C1orf146: variants seen among roughly 807,000 people sequenced by gnomAD.
C1orf146 encodes the protein protein SPO16 homolog.
Under a neutral mutation model 23.0 loss-of-function variants are expected in C1orf146, and 22 were observed. The ratio of observed to expected loss-of-function variants is 0.96; its 90% CI spans 0.68 to 1.36. The LOEUF is 1.36. Ranked by LOEUF, C1orf146 falls within the 40% of genes most tolerant of loss-of-function variation. C1orf146 has a pLI of 0.00. For missense variants in C1orf146, 199 were observed against 206.8 expected, an observed-to-expected ratio of 0.96 and a Z score of 0.23; for synonymous variants, 59 against 65.3, an observed-to-expected ratio of 0.90 and a Z score of 0.47.
At chr1:92,235,055 A>G (rs1279639186) in intron 2 of C1orf146, among the ~76,000 whole-genome samples, 2 of 152,132 alleles carry the variant, frequency 1.3e-5, no homozygotes, top group Non-Finnish European at 2.9e-5. Flanking sequence ...CCTTTCAAAA[A>G]ACCAGCTCCT....
chr1:92,237,969 G>A (rs1000863546), intron 2 of C1orf146, among the ~76,000 whole-genome samples: 9 of 152,092 alleles, frequency 5.9e-5, no homozygotes, highest in African/African-American at 1.2e-4. Flanking sequence ...TTGCTCTGTC[G>A]CCGAGGCTGG....
Position 92,231,418 on chromosome 1 carries a change from C to T in C1orf146, c.-3C>T. On this transcript the variant is annotated 5_prime_UTR_variant, in exon 2 of 6. Transcript: ENST00000370375. ...ATTAGAAGCTAGGTTGATCCACAGA[C>T]AGATGGCTGAAAGTGGAAAAGAAAA... 6.2e-7 allele frequency: 1 copy of T among 1,606,604 alleles called. No individual in the cohort carries two copies. Among genetic ancestry groups the T allele is most frequent in the Non-Finnish European group, 8.5e-7 (1 of 1,176,216 alleles).
At chr1:92,235,810 T>A (rs1176121209) in intron 2 of C1orf146, among the ~76,000 whole-genome samples, 1 of 152,182 alleles carries the variant, frequency 6.6e-6, no homozygotes, top group Non-Finnish European at 1.5e-5. Context: ...TGGGTGCATA[T>A]ATATTTAGGA....
chr1:92,230,510 G>A (rs977251997), intron 1 of C1orf146, among the ~76,000 whole-genome samples: 6 of 151,930 alleles, frequency 3.9e-5, no homozygotes, highest in Non-Finnish European at 7.4e-5. Flanking sequence ...CAGCTACTTG[G>A]GAGGCTGAGG....
At chr1:92,219,077 A>G (rs1651756184) in intron 1 of C1orf146, among the ~76,000 whole-genome samples, 1 of 152,236 alleles carries the variant, frequency 6.6e-6, no homozygotes. Flanking sequence ...ATGGATTACT[A>G]ACTGATAGGC....
chr1:92,218,250 C>G (rs147883795), intron 1 of C1orf146, among the ~76,000 whole-genome samples: 2,959 of 152,160 alleles, frequency 0.019, 50 homozygotes, highest in Non-Finnish European at 0.029. Flanking sequence ...TCGGGGTTTT[C>G]CCTGTCAGAA....
At chr1:92,236,042 G>A (rs566925908) in intron 2 of C1orf146, among the ~76,000 whole-genome samples, 12 of 152,132 alleles carry the variant, frequency 7.9e-5, no homozygotes, top group Non-Finnish European at 1.6e-4. Flanking sequence ...ACAGCACACC[G>A]ATGGGTCTTG....
At chr1:92,239,951 A>G (rs1038788264) in intron 2 of C1orf146, among the ~76,000 whole-genome samples, 4 of 152,276 alleles carry the variant, frequency 2.6e-5, no homozygotes, top group East Asian at 1.9e-4. Flanking sequence ...GTTGTATCCT[A>G]TACATCTAGA....
chr1:92,230,649 G>A (rs1652097745), intron 1 of C1orf146, among the ~76,000 whole-genome samples: 1 of 151,800 alleles, frequency 6.6e-6, no homozygotes, highest in Non-Finnish European at 1.5e-5. Context: ...GCATGGTGGT[G>A]CATACCTGTA....
chr1:92,219,598 G>A (rs992208434), intron 1 of C1orf146, among the ~76,000 whole-genome samples: 2 of 141,520 alleles, frequency 1.4e-5, no homozygotes, highest in Admixed American at 7.7e-5. Context: ...CCACCTCCTG[G>A]GTGTGCAGCC....
rs1452188887 is a variant in C1orf146, at chr1:92,230,275, C to T, written c.-39-1107C>T. On this transcript the variant is annotated intron_variant, in intron 1 of 5. Transcript: ENST00000370375. ...AGCCAGAGTTCAAGACTGGTTTGGCCAACGTAGGGAGACCTGCCCCCGATC... is the reference window on the plus strand; with the variant it reads ...AGCCAGAGTTCAAGACTGGTTTGGCTAACGTAGGGAGACCTGCCCCCGATC... Among the ~76,000 whole-genome samples, 4 of 149,928 alleles carry T rather than the reference C, an allele frequency of 2.7e-5. No individual in the cohort carries two copies. In the East Asian group the frequency reaches 5.9e-4, roughly 22 times the overall value.
chr1:92,224,505 A>C (rs1367970398), intron 1 of C1orf146, among the ~76,000 whole-genome samples: 1 of 152,172 alleles, frequency 6.6e-6, no homozygotes, highest in Non-Finnish European at 1.5e-5. Context: ...TATGTTTTAC[A>C]TGTAGGCCTA....
chr1:92,221,696 A>G (rs1199086512), intron 1 of C1orf146, among the ~76,000 whole-genome samples: 1 of 152,218 alleles, frequency 6.6e-6, no homozygotes, highest in Non-Finnish European at 1.5e-5. Context: ...TTCACTATGC[A>G]TAACAAGGGA....
rs1553129352 is a variant in C1orf146 at position 92,219,521 on chromosome 1, T to TTTTAA, written c.-40+1473_-40+1474insTTTAA. Reference sequence around the variant, plus strand: ...CTTTTTTTTTTTTTTTTTTTTTTTTTAAGACAGAGTCTCGCTCTATCACCC... The same window carrying TTTTAA: ...CTTTTTTTTTTTTTTTTTTTTTTTTTTTTAAAAGACAGAGTCTCGCTCTATCACCC... On this transcript the variant is annotated intron_variant, in intron 1 of 5. Transcript: ENST00000370375. 2.9e-3 allele frequency among the ~76,000 whole-genome samples: 411 copies of TTTTAA among 141,970 alleles called. 6 individuals carry two copies. The highest frequency in any genetic ancestry group is 0.011 in the African/African-American group (378 of 35,138). 93.1% of individuals were successfully genotyped at this position (141,970 alleles called of 152,430 possible).
intron 2 of C1orf146, among the ~76,000 whole-genome samples, chr1:92,235,366 T>G (rs1436859388): frequency 6.6e-6 from 1 of 152,220 alleles, no homozygotes; most frequent in Non-Finnish European, 1.5e-5. Flanking sequence ...TTTCATTATG[T>G]ACCCTGTAGT....
intron 3 of C1orf146, 97 bp downstream of exon 3, chr1:92,242,402 T>C: frequency 3.3e-6 from 2 of 603,554 alleles, no homozygotes; most frequent in Non-Finnish European, 5.5e-6. Flanking sequence ...ATGTATTATC[T>C]TTTGGGAAGG....
chr1:92,228,956 A>G (rs747443814), intron 1 of C1orf146: 4 of 431,068 alleles, frequency 9.3e-6, no homozygotes, highest in Non-Finnish European at 1.8e-5. Context: ...CCAGGGACAA[A>G]TTTATACTTC....
intron 1 of C1orf146, among the ~76,000 whole-genome samples, chr1:92,226,010 A>T (rs1300708080): frequency 6.6e-6 from 1 of 152,224 alleles, no homozygotes; most frequent in East Asian, 1.9e-4. Flanking sequence ...TATTTAAAAA[A>T]TTTTTAAATT....
chr1:92,221,488 A>T (rs559045955), intron 1 of C1orf146, among the ~76,000 whole-genome samples: 2 of 152,226 alleles, frequency 1.3e-5, no homozygotes, highest in Non-Finnish European at 2.9e-5. Context: ...CTAAAATAAA[A>T]GTTGAAATTT....
Sources: gnomAD v4.1 joint callset for allele counts (sites outside exome capture counted in the v4.1 genomes callset) on GRCh38, gnomAD v4.1.1 for gene constraint, MANE v1.5 for transcripts, NCBI Gene and HGNC (gene_info 2026-07-23, HGNC 2026-07-21) for gene names.